Variants in IFT25 observed in about 807,000 individuals in gnomAD.
IFT25 encodes intraflagellar transport 25.
chr1:53,924,346 A>T, the IFT25 span, among the ~76,000 whole-genome samples: 37,376 of 152,162 alleles, frequency 0.25, 7,535 homozygotes, highest in African/African-American at 0.56. Context: ...TAGCCACGGG[A>T]AACAACTAGA....
the IFT25 span, chr1:53,921,903 A>G: frequency 1.6e-6 from 1 of 614,416 alleles, no homozygotes; most frequent in Non-Finnish European, 2.9e-6. Context: ...GCTACATATA[A>G]TAGTTGTGGT....
At chr1:53,934,985 C>G in the IFT25 span, among the ~76,000 whole-genome samples, 1 of 152,080 alleles carries the variant, frequency 6.6e-6, no homozygotes, top group Non-Finnish European at 1.5e-5. Context: ...GATGACAGAG[C>G]AAGACTCTGT....
the IFT25 span, among the ~76,000 whole-genome samples, chr1:53,942,714 T>C: frequency 6.6e-6 from 1 of 152,260 alleles, no homozygotes; most frequent in Non-Finnish European, 1.5e-5. Flanking sequence ...TCAACATTTT[T>C]GAACACCAAT....
chr1:53,913,864 G>C, the IFT25 span, among the ~76,000 whole-genome samples: 1 of 152,196 alleles, frequency 6.6e-6, no homozygotes, highest in Non-Finnish European at 1.5e-5. Flanking sequence ...CAGCAAGGTG[G>C]CAGCTACCTA....
chr1:53,941,525 T>A, the IFT25 span, among the ~76,000 whole-genome samples: 1 of 152,238 alleles, frequency 6.6e-6, no homozygotes, highest in East Asian at 1.9e-4. Context: ...TAAAAACATA[T>A]ATTTTAATTT....
the IFT25 span, among the ~76,000 whole-genome samples, chr1:53,931,460 T>C: frequency 5.3e-5 from 8 of 152,250 alleles, no homozygotes; most frequent in African/African-American, 1.9e-4. Context: ...TAAAACAATT[T>C]GGGAAATGTT....
At chr1:53,940,965 T>C in the IFT25 span, among the ~76,000 whole-genome samples, 1 of 151,956 alleles carries the variant, frequency 6.6e-6, no homozygotes, top group African/African-American at 2.4e-5. Context: ...TTTTTTTTTT[T>C]CTGTAGAGAT....
chr1:53,938,246 T>C, the IFT25 span, among the ~76,000 whole-genome samples: 1 of 152,256 alleles, frequency 6.6e-6, no homozygotes, highest in Non-Finnish European at 1.5e-5. Flanking sequence ...CATATATATG[T>C]GTTTATATGT....
At chr1:53,936,772 C>T in the IFT25 span, among the ~76,000 whole-genome samples, 2 of 151,778 alleles carry the variant, frequency 1.3e-5, no homozygotes, top group African/African-American at 2.4e-5. Context: ...TTCTTTTTTA[C>T]TTTGCTTTTT....
At chr1:53,919,293 C>T in the IFT25 span, among the ~76,000 whole-genome samples, 2 of 152,304 alleles carry the variant, frequency 1.3e-5, no homozygotes, top group South Asian at 4.1e-4. Context: ...TTAGAGATAG[C>T]AGAAGAAAAA....
the IFT25 span, chr1:53,916,653 TG>T: frequency 3.3e-6 from 1 of 302,920 alleles, no homozygotes; most frequent in Non-Finnish European, 6.0e-6. Flanking sequence ...ATGGTTCCAG[TG>T]TTACAAGAAA....
At chr1:53,923,900 T>C in the IFT25 span, 31 of 1,550,912 alleles carry the variant, frequency 2.0e-5, no homozygotes, top group Non-Finnish European at 2.7e-5. Context: ...GTATATTCAC[T>C]TACCACAATT....
chr1:53,924,124 A>T, the IFT25 span, among the ~76,000 whole-genome samples: 2 of 152,234 alleles, frequency 1.3e-5, no homozygotes, highest in Non-Finnish European at 2.9e-5. Flanking sequence ...TACACAAGGC[A>T]AAAAAGATAA....
chr1:53,943,626 G>T, the IFT25 span, among the ~76,000 whole-genome samples: 43 of 151,948 alleles, frequency 2.8e-4, no homozygotes, highest in African/African-American at 9.9e-4. Flanking sequence ...TGTAGGGAGA[G>T]AACTTTTTTT....
chr1:53,930,935 T>C, the IFT25 span, among the ~76,000 whole-genome samples: 1 of 152,252 alleles, frequency 6.6e-6, no homozygotes, highest in Non-Finnish European at 1.5e-5. Context: ...TTTAACTATA[T>C]AAGCTTTTCT....
At chr1:53,921,741 C>T in the IFT25 span, 1 of 1,613,608 alleles carries the variant, frequency 6.2e-7, no homozygotes, top group East Asian at 2.2e-5. Flanking sequence ...TAATGAATCT[C>T]AAGTAAGTAG....
the IFT25 span, among the ~76,000 whole-genome samples, chr1:53,937,473 C>T: frequency 2.0e-5 from 3 of 152,150 alleles, no homozygotes; most frequent in African/African-American, 4.8e-5. Context: ...TCTGGAACTG[C>T]ATATGGATTA....
At chr1:53,933,478 C>A in the IFT25 span, among the ~76,000 whole-genome samples, 1 of 152,176 alleles carries the variant, frequency 6.6e-6, no homozygotes. Context: ...TATAACGTGT[C>A]CCCTTTGTCT....
chr1:53,936,327 G>T, the IFT25 span, among the ~76,000 whole-genome samples: 1 of 152,004 alleles, frequency 6.6e-6, no homozygotes, highest in African/African-American at 2.4e-5. Flanking sequence ...GTGCATGCCT[G>T]TAGTCCCAGC....
Sources: allele counts gnomAD v4.1 joint callset (sites outside exome capture counted in the v4.1 genomes callset), GRCh38; gene constraint gnomAD v4.1.1; transcripts MANE v1.5; gene names NCBI Gene and HGNC (gene_info 2026-07-23, HGNC 2026-07-21).